NXN: variants seen among roughly 807,000 people sequenced by gnomAD.
The protein encoded by NXN is nucleoredoxin.
A neutral mutation model predicts 48.6 loss-of-function variants in NXN; 16 were observed. The observed-to-expected ratio is 0.33, with a 90% CI of 0.22 to 0.50. NXN has a LOEUF of 0.50. NXN is among the 20% of genes least tolerant of loss of function. NXN has a pLI of 0.98. For synonymous variants in NXN, 281 were observed against 269.6 expected (o/e 1.04, Z -0.41); for missense variants, 492 against 605.5 (o/e 0.81, Z 1.97).
intron 1 of NXN, among the ~76,000 whole-genome samples, chr17:972,346 T>A (rs901907944): frequency 6.7e-6 from 1 of 148,842 alleles, no homozygotes; most frequent in African/African-American, 2.5e-5. Flanking sequence ...GCGTGGTGGC[T>A]GGCGCCTGTA....
At position 809,870 on chromosome 17, in the gene NXN, A is replaced by C. The variant is rs561652761; in HGVS notation, c.821-4623T>G. 4.6e-3 allele frequency among the ~76,000 whole-genome samples: 487 copies of C among 104,960 alleles called. 13 individuals are homozygous for C. The highest frequency in any genetic ancestry group is 0.013 in the African/African-American group (416 of 31,614). The allele number at this position is 104,960 out of a possible 152,430, so 68.9% of individuals were successfully genotyped here. A position where few individuals can be genotyped will look rare whatever the true frequency, so the allele number is the denominator to read the frequency against. On this transcript the variant is annotated intron_variant, in intron 5 of 7. Transcript: ENST00000336868. The stretch of plus-strand genomic sequence containing the variant: ...GCGAGCGGCGGGCACCTTACGAGTC[A>C]GTGTGAGTGGCGTGTACGTTAAGAG...
At chr17:820,793 C>G (rs1273013641) in intron 4 of NXN, among the ~76,000 whole-genome samples, 3 of 63,374 alleles carry the variant, frequency 4.7e-5, no homozygotes, top group African/African-American at 1.0e-4. Flanking sequence ...GTGTGGTGGC[C>G]GGCGCCTGTA....
chr17:915,347 C>T (rs116983431), intron 1 of NXN, among the ~76,000 whole-genome samples: 1,544 of 152,144 alleles, frequency 0.01, 10 homozygotes, highest in South Asian at 0.027. Flanking sequence ...AGGCTGGAGT[C>T]ATCTCGGCTC....
At chr17:812,141 ACGGTC>A (rs1912081815) in intron 5 of NXN, among the ~76,000 whole-genome samples, 2 of 150,440 alleles carry the variant, frequency 1.3e-5, no homozygotes, top group African/African-American at 2.5e-5. Context: ...GTTAGCCAGG[ACGGTC>A]TCGATCTCCT....
chr17:813,792 T>C (rs776734144), intron 5 of NXN, among the ~76,000 whole-genome samples: 44 of 145,678 alleles, frequency 3.0e-4, no homozygotes, highest in Admixed American at 9.8e-4. Flanking sequence ...ATGGAGAAAC[T>C]CTGTCTCTAC....
intron 3 of NXN, among the ~76,000 whole-genome samples, chr17:823,026 G>A (rs546304598): frequency 1.3e-5 from 2 of 152,182 alleles, no homozygotes; most frequent in African/African-American, 4.8e-5. Context: ...CTTGAACCCG[G>A]GAGACAGAGG....
At chr17:860,284 C>T (rs1167940720) in intron 1 of NXN, among the ~76,000 whole-genome samples, 2 of 152,166 alleles carry the variant, frequency 1.3e-5, no homozygotes, top group Non-Finnish European at 2.9e-5. Context: ...CCGCCGCGCC[C>T]GGCTAATTTT....
In NXN at chr17:919,510, A is replaced by G. The variant is rs566397312; in HGVS notation, c.360+59809T>C. 2.0e-5 allele frequency among the ~76,000 whole-genome samples: 3 copies of G among 152,314 alleles called. No homozygotes were observed. Among genetic ancestry groups the G allele is most frequent in the Admixed American group, 2.0e-4 (3 of 15,294 alleles). ...GAAAAAGCCCTGTAATCTCAGCACA[A>G]CCAGAAATTAAAGTGGCAGTTTTGG... is the stretch of plus-strand genomic sequence containing the variant. On this transcript the variant is annotated intron_variant, in intron 1 of 7. Transcript: ENST00000336868. This position sits in a 1 kb window ranked among gnomAD's most constrained non-coding sequence, Gnocchi z 5.1.
intron 1 of NXN, chr17:959,492 A>AC (rs1567520142): frequency 8.9e-5 from 4 of 45,138 alleles, no homozygotes; most frequent in East Asian, 7.3e-4. Context: ...TTCAGAAGTG[A>AC]GAAAAAAAAA....
chr17:881,316 C>T (rs995775018), intron 1 of NXN, among the ~76,000 whole-genome samples: 1 of 152,172 alleles, frequency 6.6e-6, no homozygotes, highest in Non-Finnish European at 1.5e-5. Context: ...GGTGCGATCT[C>T]AGCTCGCCGC....
chr17:872,604 G>C (rs538401503), intron 1 of NXN, among the ~76,000 whole-genome samples: 1 of 148,478 alleles, frequency 6.7e-6, no homozygotes, highest in Non-Finnish European at 1.5e-5. Flanking sequence ...CTATGTTTCC[G>C]GGTGAGATCT....
intron 1 of NXN, among the ~76,000 whole-genome samples, chr17:853,738 T>TTTTTTTTTTTTCC (rs1555614493): frequency 7.0e-6 from 1 of 143,624 alleles, no homozygotes; most frequent in African/African-American, 2.7e-5. Context: ...TTTTTTTTTT[T>TTTTTTTTTTTTCC]CCAAGACGGA....
chr17:807,718 C>T (rs1911648517), intron 5 of NXN, among the ~76,000 whole-genome samples: 1 of 152,236 alleles, frequency 6.6e-6, no homozygotes, highest in African/African-American at 2.4e-5. Flanking sequence ...AAGGAAGCCA[C>T]TCGTGTTCGG....
At chr17:966,852 C>G (rs1213128938) in intron 1 of NXN, among the ~76,000 whole-genome samples, 1 of 110,140 alleles carries the variant, frequency 9.1e-6, no homozygotes, top group Non-Finnish European at 1.8e-5. Flanking sequence ...ATCTGAATGG[C>G]CTGGGTGGGG....
intron 1 of NXN, among the ~76,000 whole-genome samples, chr17:971,599 C>T (rs961935306): frequency 6.6e-6 from 1 of 151,702 alleles, no homozygotes; most frequent in Non-Finnish European, 1.5e-5. Flanking sequence ...GGTCCCAGCT[C>T]CTCGGGAGGC....
intron 1 of NXN, among the ~76,000 whole-genome samples, chr17:960,992 G>A (rs111562773): frequency 0.1 from 15,234 of 150,978 alleles, 2,373 homozygotes; most frequent in African/African-American, 0.33. Flanking sequence ...CACCGTGTTC[G>A]CCAGGATAGT....
intron 5 of NXN, among the ~76,000 whole-genome samples, chr17:814,407 A>T (rs1912353577): frequency 1.3e-5 from 2 of 152,176 alleles, no homozygotes; most frequent in African/African-American, 4.8e-5. Context: ...TCAGAGAGGA[A>T]GATTCTGCTC....
chr17:800,564 G>GTC lies in NXN; in HGVS notation c.*383_*384dup, dbSNP rs879863370. On this transcript the variant is annotated 3_prime_UTR_variant, in exon 8 of 8. Coordinates refer to ENST00000336868, the MANE Select transcript of NXN (RefSeq NM_022463.5). Reference sequence around the variant, plus strand: ...GTCACCCGGCGGTTCCCCTCTGGCCGTCCGGGGCCGTGTGTGCCGACGTCA... The same window carrying GTC: ...GTCACCCGGCGGTTCCCCTCTGGCCGTCTCCGGGGCCGTGTGTGCCGACGTCA... 6.3e-6 allele frequency: 1 copy of GTC among 159,244 alleles called. No individual in the cohort carries two copies. Among genetic ancestry groups the GTC allele is most frequent in the Non-Finnish European group, 1.4e-5 (1 of 72,980 alleles). 9.9% of individuals were successfully genotyped at this position (159,244 alleles called of 1,614,324 possible).
At chr17:826,856 C>T (rs182839248) in intron 1 of NXN, among the ~76,000 whole-genome samples, 4 of 152,332 alleles carry the variant, frequency 2.6e-5, no homozygotes, top group East Asian at 1.9e-4. Flanking sequence ...GCTGTGCACA[C>T]GGTCAGAGGT....
Sources: allele counts gnomAD v4.1 joint callset (sites outside exome capture counted in the v4.1 genomes callset), GRCh38; gene constraint gnomAD v4.1.1; non-coding constraint Gnocchi (gnomAD v3.1); transcripts MANE v1.5; gene names NCBI Gene and HGNC (gene_info 2026-07-23, HGNC 2026-07-21).